CDH12: variants seen among roughly 807,000 people sequenced by gnomAD.
The protein encoded by CDH12 is cadherin-12.
In CDH12, 41 loss-of-function variants were observed where a neutral mutation model predicts 74.1. The observed-to-expected ratio is 0.55, with a 90% CI of 0.43 to 0.72. The LOEUF is 0.72. Ranked by LOEUF, CDH12 falls within the 30% of genes least tolerant of loss-of-function variation. The probability of loss-of-function intolerance (pLI) is 0.00; values close to 1 mark genes in which losing one functional copy is unlikely to be tolerated. For missense variants in CDH12, 945 were observed against 977.2 expected, an observed-to-expected ratio of 0.97 and a Z score of 0.44; for synonymous variants, 399 against 355.0, an observed-to-expected ratio of 1.12 and a Z score of -1.39.
At chr5:22,769,538 C>A (rs1452276307) in intron 1 of CDH12, among the ~76,000 whole-genome samples, 1 of 152,048 alleles carries the variant, frequency 6.6e-6, no homozygotes, top group Non-Finnish European at 1.5e-5. Context: ...ACCTCCTCAG[C>A]TTGGAGATAG....
intron 1 of CDH12, among the ~76,000 whole-genome samples, chr5:22,788,050 C>T (rs1747728639): frequency 6.6e-6 from 1 of 152,180 alleles, no homozygotes; most frequent in Non-Finnish European, 1.5e-5. Flanking sequence ...TTAATGCCAA[C>T]TCAGTGTGTG....
chr5:22,014,519 G>A (rs1737486402), intron 5 of CDH12, among the ~76,000 whole-genome samples: 1 of 152,012 alleles, frequency 6.6e-6, no homozygotes, highest in Non-Finnish European at 1.5e-5. Flanking sequence ...ATGTAATGAA[G>A]GTTGATAGAC....
chr5:22,337,325 T>C (rs1362790139), intron 3 of CDH12, among the ~76,000 whole-genome samples: 2 of 152,122 alleles, frequency 1.3e-5, no homozygotes, highest in African/African-American at 2.4e-5. Flanking sequence ...TTTGGGGGAC[T>C]ATTAGGAAGG....
intron 4 of CDH12, among the ~76,000 whole-genome samples, chr5:22,085,618 G>A (rs1185896808): frequency 1.3e-5 from 2 of 151,734 alleles, no homozygotes; most frequent in Admixed American, 6.6e-5. Context: ...TTGTGAATAG[G>A]TGGCCCTTTA....
At chr5:22,798,403 T>A (rs988758433) in intron 1 of CDH12, among the ~76,000 whole-genome samples, 7 of 152,140 alleles carry the variant, frequency 4.6e-5, no homozygotes, top group African/African-American at 1.7e-4. Context: ...ATTTTTTAAA[T>A]TTTACAAACA....
chr5:22,223,497 AC>A (rs1209072768), intron 3 of CDH12, among the ~76,000 whole-genome samples: 1 of 152,028 alleles, frequency 6.6e-6, no homozygotes. Flanking sequence ...TAAGTCAGTG[AC>A]CTAATCGATG....
intron 3 of CDH12, among the ~76,000 whole-genome samples, chr5:22,344,213 T>C (rs1240225117): frequency 6.6e-6 from 1 of 152,210 alleles, no homozygotes; most frequent in African/African-American, 2.4e-5. Flanking sequence ...CATATATTTA[T>C]AGTTACCATA....
chr5:22,470,416 A>ATTTTATTTTATTTAT (rs145307255), intron 2 of CDH12, among the ~76,000 whole-genome samples: 57,714 of 145,412 alleles, frequency 0.4, 11,849 homozygotes, highest in Admixed American at 0.58. Context: ...ATTTTATTTT[A>ATTTTATTTTATTTAT]TTTATTTTAT....
chr5:21,752,717 TAAGA>T (rs1200241816), intron 14 of CDH12, among the ~76,000 whole-genome samples: 1 of 143,596 alleles, frequency 7.0e-6, no homozygotes, highest in Non-Finnish European at 1.5e-5. Flanking sequence ...AGGCAATAAA[TAAGA>T]AAGAGAGAAG....
intron 1 of CDH12, among the ~76,000 whole-genome samples, chr5:22,731,477 A>C (rs1367677471): frequency 6.6e-6 from 1 of 151,874 alleles, no homozygotes; most frequent in African/African-American, 2.4e-5. Context: ...CACTTAATGA[A>C]AGTTAAAATG....
intron 3 of CDH12, among the ~76,000 whole-genome samples, chr5:22,367,122 T>C (rs1741069667): frequency 6.6e-6 from 1 of 151,972 alleles, no homozygotes; most frequent in African/African-American, 2.4e-5. Flanking sequence ...TATTTTTGTG[T>C]TTTTTTTAAT....
intron 8 of CDH12, among the ~76,000 whole-genome samples, chr5:21,819,795 T>A (rs986160648): frequency 2.0e-4 from 31 of 151,780 alleles, no homozygotes; most frequent in Non-Finnish European, 3.8e-4. Flanking sequence ...GTGGTAAGGG[T>A]GAAACAGTGA....
At chr5:22,186,752 T>C (rs569963869) in intron 4 of CDH12, among the ~76,000 whole-genome samples, 1 of 152,284 alleles carries the variant, frequency 6.6e-6, no homozygotes, top group East Asian at 1.9e-4. Context: ...ATTACAAGTG[T>C]GAGTCACTGA....
chr5:22,219,153 C>G (rs777725583), intron 3 of CDH12, among the ~76,000 whole-genome samples: 5 of 151,696 alleles, frequency 3.3e-5, no homozygotes, highest in African/African-American at 4.8e-5. Flanking sequence ...AAATATTACT[C>G]TAGCCTATCT....
intron 1 of CDH12, chr5:22,580,166 C>G (rs375141): frequency 0.3 from 83,306 of 279,294 alleles, 13,105 homozygotes; most frequent in South Asian, 0.37. Context: ...GGAAGAGGAT[C>G]CAGATGAGGG....
At chr5:22,215,352 T>C (rs1423701852) in intron 3 of CDH12, among the ~76,000 whole-genome samples, 1 of 152,130 alleles carries the variant, frequency 6.6e-6, no homozygotes, top group Non-Finnish European at 1.5e-5. Flanking sequence ...CAAAAATCAT[T>C]TTCACATCTT....
At chr5:22,418,060 A>G (rs560522264) in intron 2 of CDH12, among the ~76,000 whole-genome samples, 2 of 152,194 alleles carry the variant, frequency 1.3e-5, no homozygotes, top group Non-Finnish European at 2.9e-5. Flanking sequence ...CATTTTCACA[A>G]TATTGATTCT....
chr5:21,783,175 T>C (rs998513987), intron 11 of CDH12, among the ~76,000 whole-genome samples, 183 bp downstream of exon 11: 2 of 152,016 alleles, frequency 1.3e-5, no homozygotes, highest in African/African-American at 4.8e-5. Flanking sequence ...ACAGGACTCA[T>C]TGGCAGCTGT....
chr5:22,213,782 G>A, intron 3 of CDH12: 1 of 152,114 alleles, frequency 6.6e-6, no homozygotes. Context: ...CATGTCTTGA[G>A]GGTGAGAAAA....
Sources: allele counts gnomAD v4.1 joint callset (sites outside exome capture counted in the v4.1 genomes callset), GRCh38; gene constraint gnomAD v4.1.1; transcripts MANE v1.5; gene names NCBI Gene and HGNC (gene_info 2026-07-23, HGNC 2026-07-21).